FDFT1: variants seen among roughly 807,000 people sequenced by gnomAD.
FDFT1 encodes the protein squalene synthase.
In FDFT1, 68 loss-of-function variants were observed where a neutral mutation model predicts 46.8. That is an observed-to-expected ratio of 1.45 (90% CI 1.19 to 1.78). FDFT1 has a LOEUF of 1.78. FDFT1 is among the 40% of genes most tolerant of loss of function. The pLI, the probability that FDFT1 is intolerant of heterozygous loss-of-function variation, is 0.00. For synonymous variants in FDFT1, 351 were observed against 185.1 expected (o/e 1.90, Z -7.28); for missense variants, 928 against 524.4 (o/e 1.77, Z -7.52).
At chr8:11,796,316 C>T (rs10503424) in intron 1 of FDFT1, among the ~76,000 whole-genome samples, 84,837 of 151,946 alleles carry the variant, frequency 0.56, 23,809 homozygotes, top group South Asian at 0.6. Flanking sequence ...GTAAACACTC[C>T]GCCAGATACT....
chr8:11,827,123 C>T (rs985041484), intron 5 of FDFT1, among the ~76,000 whole-genome samples: 2 of 152,182 alleles, frequency 1.3e-5, no homozygotes, highest in Non-Finnish European at 2.9e-5. Context: ...TTTATTCCAG[C>T]ATTTACCTTT....
At chr8:11,816,451 C>T (rs1031461078) in intron 3 of FDFT1, among the ~76,000 whole-genome samples, 4 of 152,180 alleles carry the variant, frequency 2.6e-5, no homozygotes, top group Non-Finnish European at 5.9e-5. Context: ...CTGTAAATTA[C>T]CTTGGGCAGT....
chr8:11,811,033 C>T (rs1807645497), intron 3 of FDFT1, among the ~76,000 whole-genome samples: 1 of 151,264 alleles, frequency 6.6e-6, no homozygotes, highest in Admixed American at 6.6e-5. Context: ...GTACCAAAGC[C>T]CAAATATAGT....
intron 4 of FDFT1, among the ~76,000 whole-genome samples, chr8:11,824,290 G>A (rs1809661386): frequency 1.3e-5 from 2 of 152,152 alleles, no homozygotes; most frequent in Admixed American, 1.3e-4. Context: ...TTTCAGAGGA[G>A]GACAGCTTTT....
In FDFT1 at chr8:11,830,428, A is replaced by C. The variant is rs1225728296; in HGVS notation, c.879+8A>C. The C allele has an allele frequency of 6.2e-7, 1 of 1,608,296 alleles. No homozygotes were observed. The highest frequency in any genetic ancestry group is 8.5e-7 in the Non-Finnish European group (1 of 1,175,504). ...TTCTGTGCTATTCCACAGGTAGGGA[A>C]GGGGGCTCCTCTGGGTGGATACGGG... On this transcript the variant is annotated splice_region_variant and intron_variant, in intron 6 of 7. Transcript: ENST00000220584.
At chr8:11,808,514 TC>T in intron 1 of FDFT1, 1 of 1,329,852 alleles carries the variant, frequency 7.5e-7, no homozygotes, top group Non-Finnish European at 9.6e-7. Context: ...GGTCCGCGAT[TC>T]CCATGGCCGC....
At chr8:11,801,026 C>G (rs181760628), upstream of FDFT1, among the ~76,000 whole-genome samples, 5 of 152,172 alleles carry the variant, frequency 3.3e-5, no homozygotes, top group Admixed American at 1.3e-4. Context: ...CAAGTAGACC[C>G]CCACTGGGAT....
intron 3 of FDFT1, among the ~76,000 whole-genome samples, chr8:11,819,279 C>T (rs540174334): frequency 6.6e-6 from 1 of 152,300 alleles, no homozygotes; most frequent in East Asian, 1.9e-4. Flanking sequence ...CAGCCCTTAA[C>T]ATTTTTTCCT....
intron 1 of FDFT1, among the ~76,000 whole-genome samples, chr8:11,807,128 A>AT (rs376463767): frequency 3.9e-5 from 6 of 152,146 alleles, no homozygotes; most frequent in African/African-American, 1.4e-4. Context: ...GATATGCCAT[A>AT]TTTTTTTAAC....
intron 3 of FDFT1, among the ~76,000 whole-genome samples, chr8:11,819,695 C>T (rs1167818355): frequency 6.6e-6 from 1 of 152,016 alleles, no homozygotes. Context: ...TCAGCTCCAT[C>T]AGGTCATTTA....
chr8:11,803,534 T>C, intron 1 of FDFT1: 4 of 1,184,532 alleles, frequency 3.4e-6, no homozygotes, highest in Non-Finnish European at 4.3e-6. Context: ...AACTTGGTTT[T>C]ACTTAGATTT....
rs748801966 is a variant in FDFT1, at chr8:11,838,585, CTA to C, written c.1232_1233del (p.Tyr411CysfsTer41). On this transcript the variant is annotated frameshift_variant, in exon 8 of 8. Coordinates refer to ENST00000220584, the MANE Select transcript of FDFT1 (RefSeq NM_004462.5). LOFTEE classifies it high-confidence loss of function. Reference protein sequence around the residue: ...LTTLSQVTEDYVQTGEH With the variant: ...LTTLSQVTEDXVQTGEH Reference sequence around the variant, plus strand: ...CCACTCTCTCCCAGGTAACAGAAGACTATGTTCAGACTGGAGAACACTGATCC... The same window carrying C: ...CCACTCTCTCCCAGGTAACAGAAGACTGTTCAGACTGGAGAACACTGATCC... 2 of 1,613,922 alleles carry C rather than the reference CTA, an allele frequency of 1.2e-6. No individual in the cohort carries two copies. Among genetic ancestry groups the C allele is most frequent in the Admixed American group, 3.3e-5 (2 of 59,998 alleles).
upstream of FDFT1, among the ~76,000 whole-genome samples, chr8:11,797,716 A>ACACC (rs1312474965): frequency 6.6e-6 from 1 of 152,130 alleles, no homozygotes; most frequent in Admixed American, 6.5e-5. Context: ...AGGCCAGGAA[A>ACACC]CACCAGAAAA....
At chr8:11,819,842 T>C (rs964703006) in intron 3 of FDFT1, among the ~76,000 whole-genome samples, 1 of 152,134 alleles carries the variant, frequency 6.6e-6, no homozygotes, top group Non-Finnish European at 1.5e-5. Flanking sequence ...TGAAGCCTAC[T>C]TCTGTCAACT....
intron 3 of FDFT1, among the ~76,000 whole-genome samples, chr8:11,810,897 G>GA (rs1263655683): frequency 1.5e-5 from 1 of 66,490 alleles, no homozygotes; most frequent in Non-Finnish European, 2.9e-5. Flanking sequence ...CCAAACAAAA[G>GA]AATCTTTGAT....
intron 7 of FDFT1, among the ~76,000 whole-genome samples, chr8:11,832,260 A>C (rs1413140671): frequency 6.6e-6 from 1 of 151,502 alleles, no homozygotes; most frequent in Non-Finnish European, 1.5e-5. Flanking sequence ...CTAGGTTCAA[A>C]AAGTTTATTT....
chr8:11,805,125 C>A (rs748314585), intron 1 of FDFT1, among the ~76,000 whole-genome samples: 1 of 151,798 alleles, frequency 6.6e-6, no homozygotes, highest in African/African-American at 2.4e-5. Flanking sequence ...CTGCATTGCC[C>A]AGGCTGGTCT....
upstream of FDFT1, among the ~76,000 whole-genome samples, chr8:11,798,670 T>C (rs1805807310): frequency 6.6e-6 from 1 of 152,210 alleles, no homozygotes; most frequent in Non-Finnish European, 1.5e-5. Flanking sequence ...ATGGGCACGT[T>C]AACTAACTTT....
chr8:11,809,656 CT>C lies in FDFT1; in HGVS notation c.198-5del. The C allele has an allele frequency of 6.3e-7, 1 of 1,579,576 alleles. No homozygotes were observed. Among genetic ancestry groups the C allele is most frequent in the East Asian group, 2.2e-5 (1 of 44,454 alleles). On this transcript the variant is annotated splice_polypyrimidine_tract_variant and intron_variant, in intron 2 of 7. Coordinates refer to ENST00000220584, the MANE Select transcript of FDFT1 (RefSeq NM_004462.5). ...TGTTCCAATATATTAATAGTTTTCC[CT>C]TTTTTACAGCAACGCAGTGTGCATA...
Sources: gnomAD v4.1 joint callset for allele counts (sites outside exome capture counted in the v4.1 genomes callset) on GRCh38, gnomAD v4.1.1 for gene constraint, MANE v1.5 for transcripts, NCBI Gene and HGNC (gene_info 2026-07-23, HGNC 2026-07-21) for gene names.